The following WNT8B variants were observed in gnomAD, a reference collection of about 807,000 sequenced individuals.
WNT8B encodes the protein protein Wnt-8b.
A neutral mutation model predicts 36.6 loss-of-function variants in WNT8B; 24 were observed. The ratio of observed to expected loss-of-function variants is 0.66; its 90% CI spans 0.48 to 0.92. WNT8B has a LOEUF of 0.92. Among genes scored for constraint, WNT8B ranks in the 40% least tolerant of loss-of-function variants. The pLI is 0.00. For missense variants in WNT8B, 402 were observed against 470.8 expected (o/e 0.85, Z 1.35); for synonymous variants, 199 against 189.8 (o/e 1.05, Z -0.40).
In WNT8B at chr10:100,480,027, A is replaced by G; in HGVS notation, c.241+15A>G. ...GCTTCGCAGTGGTAAGAAAAACCTCAGCCACAGCTCCCTGGACCCTCTGGT... is the reference window on the plus strand; with the variant it reads ...GCTTCGCAGTGGTAAGAAAAACCTCGGCCACAGCTCCCTGGACCCTCTGGT... On this transcript the variant is annotated intron_variant, in intron 3 of 5. Coordinates refer to ENST00000343737, the MANE Select transcript of WNT8B (RefSeq NM_003393.4). 1.2e-6 allele frequency: 2 copies of G among 1,612,064 alleles called. No homozygotes were observed. The highest frequency in any genetic ancestry group is 1.7e-6 in the Non-Finnish European group (2 of 1,179,598).
At chr10:100,481,779 A>G (rs1851115417) in intron 4 of WNT8B, 133 bp from the exon 5 acceptor site, 1 of 1,288,372 alleles carries the variant, frequency 7.8e-7, no homozygotes, top group Admixed American at 2.6e-5. Flanking sequence ...ACTGATCTGG[A>G]TACAGGGCAC....
At chr10:100,477,193 G>T (rs1347143552) in intron 1 of WNT8B, among the ~76,000 whole-genome samples, 2 of 152,042 alleles carry the variant, frequency 1.3e-5, no homozygotes, top group African/African-American at 2.4e-5. Flanking sequence ...CTTCCTTGAG[G>T]TTCATCCAAG....
At chr10:100,479,581 G>A (rs1177764685) in intron 2 of WNT8B, among the ~76,000 whole-genome samples, 1 of 152,124 alleles carries the variant, frequency 6.6e-6, no homozygotes. Context: ...GTGAATAAAG[G>A]ATAATAGGGA....
rs182440640 is a variant in WNT8B at position 100,470,900 on chromosome 10, G to A, written c.68+7664G>A. Among the ~76,000 whole-genome samples the A allele has an allele frequency of 5.7e-3, 868 of 152,118 alleles. 10 individuals are homozygous for A. Among genetic ancestry groups the A allele is most frequent in the African/African-American group, 0.02 (846 of 41,496 alleles). On this transcript the variant is annotated intron_variant, in intron 1 of 5. Coordinates refer to ENST00000343737, the MANE Select transcript of WNT8B (RefSeq NM_003393.4). ...TGGGACTACAAGTCCACACCACCAC[G>A]CCCAGCTAATTTTTGTATTTTTAGT... is the stretch of plus-strand genomic sequence containing the variant.
chr10:100,472,122 T>G (rs1305600615), intron 1 of WNT8B, among the ~76,000 whole-genome samples: 2 of 151,154 alleles, frequency 1.3e-5, no homozygotes, highest in Non-Finnish European at 3.0e-5. Flanking sequence ...TTTTCTTTTT[T>G]TTTTTTGAGA....
At chr10:100,480,064 G>A (rs535924409) in intron 3 of WNT8B, 52 bp downstream of exon 3, 1 of 1,596,906 alleles carries the variant, frequency 6.3e-7, no homozygotes. Flanking sequence ...ACAGGTTAGA[G>A]CCCCAGGGAT....
chr10:100,475,156 C>T (rs1851023183), intron 1 of WNT8B, among the ~76,000 whole-genome samples: 1 of 152,064 alleles, frequency 6.6e-6, no homozygotes, highest in Non-Finnish European at 1.5e-5. Flanking sequence ...AGGAGAATTG[C>T]TTGAACTCGG....
At chr10:100,477,940 C>CTGTTTTTTGTTT (rs1169521181) in intron 1 of WNT8B, among the ~76,000 whole-genome samples, 7 of 145,106 alleles carry the variant, frequency 4.8e-5, no homozygotes, top group African/African-American at 1.9e-4. Flanking sequence ...CCATGCCTAG[C>CTGTTTTTTGTTT]TATTTTTTTT....
At chr10:100,464,110 T>C (rs886404891) in intron 1 of WNT8B, among the ~76,000 whole-genome samples, 1 of 152,176 alleles carries the variant, frequency 6.6e-6, no homozygotes, top group Non-Finnish European at 1.5e-5. Context: ...AAGATATAAA[T>C]CCAATTGCTA....
Position 100,482,904 on chromosome 10 carries a change from C to A in WNT8B, c.*88C>A. On this transcript the variant is annotated 3_prime_UTR_variant, in exon 6 of 6. Coordinates refer to ENST00000343737, the MANE Select transcript of WNT8B (RefSeq NM_003393.4). The surrounding 1 kb of genome is among the most constrained non-coding windows in gnomAD (Gnocchi z 6.6). ...TGTGGAACCTAGGGAATGGGGAACCCGCTCTCCCAGACCTAGGGATCCTGA... is the reference window on the plus strand; with the variant it reads ...TGTGGAACCTAGGGAATGGGGAACCAGCTCTCCCAGACCTAGGGATCCTGA... The A allele has an allele frequency of 1.5e-6, 2 of 1,366,908 alleles. No homozygotes were observed. Among genetic ancestry groups the A allele is most frequent in the Non-Finnish European group, 9.7e-7 (1 of 1,034,296 alleles). The allele number at this position is 1,366,908 out of a possible 1,614,324, so 84.7% of individuals were successfully genotyped here. A position where few individuals can be genotyped will look rare whatever the true frequency, so the allele number is the denominator to read the frequency against.
rs151156978 is a variant in WNT8B, at chr10:100,477,010, G to C, written c.69-2042G>C. Reference sequence around the variant, plus strand: ...TAAAGACATTTGGCCATTCCCCCAAGACTTTCTCATGTTACTCTTTACAGC... The same window carrying C: ...TAAAGACATTTGGCCATTCCCCCAACACTTTCTCATGTTACTCTTTACAGC... On this transcript the variant is annotated intron_variant, in intron 1 of 5. Coordinates refer to ENST00000343737, the MANE Select transcript of WNT8B (RefSeq NM_003393.4). Among the ~76,000 whole-genome samples, 701 of 152,238 alleles carry C rather than the reference G, an allele frequency of 4.6e-3. 8 individuals are homozygous for C. Among genetic ancestry groups the C allele is most frequent in the African/African-American group, 0.016 (665 of 41,532 alleles).
At chr10:100,473,231 C>T (rs1850998503) in intron 1 of WNT8B, among the ~76,000 whole-genome samples, 1 of 152,140 alleles carries the variant, frequency 6.6e-6, no homozygotes, top group Non-Finnish European at 1.5e-5. Flanking sequence ...GGCTTCTGCA[C>T]TGGTACTTAT....
intron 1 of WNT8B, among the ~76,000 whole-genome samples, chr10:100,472,319 C>G (rs1850988432): frequency 6.6e-6 from 1 of 151,662 alleles, no homozygotes; most frequent in Non-Finnish European, 1.5e-5. Flanking sequence ...ACCGTGGTCT[C>G]GATCTCCTGA....
intron 4 of WNT8B, 98 bp from the exon 5 acceptor site, chr10:100,481,814 T>A: frequency 6.6e-7 from 1 of 1,517,092 alleles, no homozygotes; most frequent in Non-Finnish European, 8.9e-7. Context: ...TCCTCTCCTA[T>A]CCTGGACCCC....
intron 1 of WNT8B, among the ~76,000 whole-genome samples, chr10:100,476,150 C>CA (rs917566659): frequency 1.6e-4 from 24 of 148,570 alleles, no homozygotes; most frequent in Admixed American, 6.7e-4. Flanking sequence ...AAAAAAAAAT[C>CA]AAAAAAAAAT....
intron 4 of WNT8B, 29 bp downstream of exon 4, chr10:100,481,152 T>C (rs188807816): frequency 3.1e-6 from 5 of 1,611,432 alleles, no homozygotes; most frequent in Admixed American, 1.7e-5. Context: ...ATGGGTACCA[T>C]AGGCCAGCCA....
intron 1 of WNT8B, among the ~76,000 whole-genome samples, chr10:100,475,877 G>A (rs1299966639): frequency 6.6e-6 from 1 of 152,164 alleles, no homozygotes; most frequent in Non-Finnish European, 1.5e-5. Flanking sequence ...AATGGCTTTG[G>A]AAATTGTGAA....
intron 1 of WNT8B, among the ~76,000 whole-genome samples, chr10:100,474,572 C>CT (rs948732485): frequency 2.0e-4 from 30 of 150,370 alleles, no homozygotes; most frequent in East Asian, 9.8e-4. Flanking sequence ...GGACAGTCTT[C>CT]TTTTTTTTTT....
Position 100,479,875 on chromosome 10 carries a change from C to T in WNT8B, c.104C>T (p.Ala35Val), listed in dbSNP as rs766407727. The change falls in exon 3 of 6, where the codon GCT (alanine) becomes GTT (valine). Residue 35 changes from alanine to valine, a missense_variant and splice_region_variant. Physicochemically the swap from Ala to Val is moderately conservative, Grantham distance 64. Transcript: ENST00000343737. Reference protein sequence around the residue: ...VNNFLMTGPKAYLIYSSSVAA... With the variant: ...VNNFLMTGPKVYLIYSSSVAA... ...ATTTTTACCCCTATGTCCCTACAGGCTTACCTGATTTACTCCAGCAGTGTG... is the reference window on the plus strand; with the variant it reads ...ATTTTTACCCCTATGTCCCTACAGGTTTACCTGATTTACTCCAGCAGTGTG... 2 of 1,613,918 alleles carry T rather than the reference C, an allele frequency of 1.2e-6. No individual in the cohort carries two copies. The highest frequency in any genetic ancestry group is 1.1e-5 in the South Asian group (1 of 91,064).
Sources: gnomAD v4.1 joint callset for allele counts (sites outside exome capture counted in the v4.1 genomes callset) on GRCh38, gnomAD v4.1.1 for gene constraint, Gnocchi (gnomAD v3.1) non-coding constraint, MANE v1.5 for transcripts, NCBI Gene and HGNC (gene_info 2026-07-23, HGNC 2026-07-21) for gene names.